Variants in ANKRD12 observed in about 807,000 individuals in gnomAD.
ANKRD12 encodes ankyrin repeat domain-containing protein 12.
In ANKRD12, 85 loss-of-function variants were observed where a neutral mutation model predicts 183.4. That is an observed-to-expected ratio of 0.46 (90% confidence interval 0.39 to 0.56). ANKRD12 has a LOEUF of 0.56. Ranked by LOEUF, ANKRD12 falls within the 20% of genes least tolerant of loss-of-function variation. ANKRD12 has a pLI of 0.00. For synonymous variants in ANKRD12, 914 were observed against 800.2 expected (o/e 1.14, Z -2.40); for missense variants, 2,405 against 2,357.1 (o/e 1.02, Z -0.42).
intron 8 of ANKRD12, among the ~76,000 whole-genome samples, chr18:9,237,584 G>T (rs1417691703): frequency 6.6e-6 from 1 of 152,108 alleles, no homozygotes; most frequent in Non-Finnish European, 1.5e-5. Flanking sequence ...TGCTGTGCCT[G>T]GAGTTGTAGG....
chr18:9,252,797 C>A (rs1249906457), intron 8 of ANKRD12, among the ~76,000 whole-genome samples: 1 of 152,114 alleles, frequency 6.6e-6, no homozygotes, highest in East Asian at 1.9e-4. Flanking sequence ...AACTCCGTTT[C>A]TACCAAAAAT....
intron 8 of ANKRD12, chr18:9,235,876 A>C: frequency 3.5e-6 from 1 of 284,372 alleles, no homozygotes; most frequent in Non-Finnish European, 7.3e-6. Context: ...TAGTTGATTT[A>C]TTCTTCTCTG....
chr18:9,144,859 TATTA>T (rs777269389), intron 1 of ANKRD12, among the ~76,000 whole-genome samples: 70 of 152,036 alleles, frequency 4.6e-4, no homozygotes, highest in Non-Finnish European at 6.2e-4. Context: ...TTGCATATCA[TATTA>T]ATTATGTATG....
intron 10 of ANKRD12, among the ~76,000 whole-genome samples, chr18:9,265,783 C>T (rs978010679): frequency 6.6e-6 from 1 of 152,100 alleles, no homozygotes; most frequent in Non-Finnish European, 1.5e-5. Context: ...ATGACTTTTA[C>T]GAGTTAAGAG....
At chr18:9,217,276 TAAAG>T (rs2036162751) in intron 7 of ANKRD12, among the ~76,000 whole-genome samples, 1 of 152,158 alleles carries the variant, frequency 6.6e-6, no homozygotes, top group African/African-American at 2.4e-5. Context: ...GAATTTGGAG[TAAAG>T]ATAGATACAA....
intron 1 of ANKRD12, among the ~76,000 whole-genome samples, chr18:9,152,735 G>A (rs1475168011): frequency 1.3e-5 from 2 of 151,790 alleles, no homozygotes; most frequent in Admixed American, 6.6e-5. Flanking sequence ...GATTTATTGA[G>A]ACCTATATTT....
chr18:9,217,408 T>A (rs566711132), intron 7 of ANKRD12, among the ~76,000 whole-genome samples: 1 of 152,134 alleles, frequency 6.6e-6, no homozygotes, highest in Non-Finnish European at 1.5e-5. Flanking sequence ...TATCTAAAAT[T>A]GATATTTCAA....
At chr18:9,219,918 T>TTG (rs2036325028) in intron 7 of ANKRD12, among the ~76,000 whole-genome samples, 1 of 152,214 alleles carries the variant, frequency 6.6e-6, no homozygotes, top group Non-Finnish European at 1.5e-5. Flanking sequence ...CTGGGTAGAT[T>TTG]ACTGGAATAT....
intron 7 of ANKRD12, among the ~76,000 whole-genome samples, chr18:9,218,015 GACTT>G (rs1359955131): frequency 6.6e-6 from 1 of 152,132 alleles, no homozygotes; most frequent in Non-Finnish European, 1.5e-5. Context: ...ATCGGAAACT[GACTT>G]ACTTTCTGGC....
At chr18:9,261,859 A>T (rs924087465) in intron 9 of ANKRD12, among the ~76,000 whole-genome samples, 5 of 152,154 alleles carry the variant, frequency 3.3e-5, no homozygotes, top group African/African-American at 1.2e-4. Flanking sequence ...TTTCTCTGGC[A>T]CCTCAGTGTC....
chr18:9,233,925 G>A (rs998787611), intron 8 of ANKRD12, among the ~76,000 whole-genome samples: 19 of 152,154 alleles, frequency 1.2e-4, no homozygotes, highest in Admixed American at 1.0e-3. Flanking sequence ...TGCCAGTAAC[G>A]GCACAGTGGG....
intron 1 of ANKRD12, among the ~76,000 whole-genome samples, chr18:9,174,983 C>G (rs1384056797): frequency 2.0e-5 from 3 of 152,150 alleles, no homozygotes; most frequent in African/African-American, 7.2e-5. Context: ...GAGACAGAGT[C>G]TTGCTTTGTT....
chr18:9,237,449 A>G (rs1352934549), intron 8 of ANKRD12, among the ~76,000 whole-genome samples: 2 of 152,182 alleles, frequency 1.3e-5, no homozygotes, highest in African/African-American at 4.8e-5. Context: ...TTGTGGGAGT[A>G]TCCTATGTTT....
chr18:9,256,124 GAA>G lies in ANKRD12; in HGVS notation c.2861_2862del (p.Lys954ArgfsTer6), dbSNP rs777993175. The G allele has an allele frequency of 1.3e-6, 2 of 1,554,220 alleles. No individual in the cohort carries two copies. Among genetic ancestry groups the G allele is most frequent in the South Asian group, 1.2e-5 (1 of 80,372 alleles). ...YSKSEKGKNK[E>X]KDRELDKKEK... ...TAAATCAGAAAAAGGCAAAAATAAA[GAA>G]AAAGACAGGGAGCTAGATAAAAAGG... On this transcript the variant is annotated frameshift_variant, in exon 9 of 13. Transcript: ENST00000262126. LOFTEE classifies it high-confidence loss of function.
At chr18:9,201,542 G>C (rs1336611866) in intron 3 of ANKRD12, among the ~76,000 whole-genome samples, 1 of 152,046 alleles carries the variant, frequency 6.6e-6, no homozygotes, top group Non-Finnish European at 1.5e-5. Context: ...GTGTTATAAG[G>C]GTTAAACATT....
At chr18:9,150,175 A>AG (rs2078639369) in intron 1 of ANKRD12, among the ~76,000 whole-genome samples, 1 of 152,200 alleles carries the variant, frequency 6.6e-6, no homozygotes, top group Non-Finnish European at 1.5e-5. Context: ...AGCAGCACCA[A>AG]TAAAAAATGA....
chr18:9,151,435 G>A (rs1419067462), intron 1 of ANKRD12, among the ~76,000 whole-genome samples: 2 of 152,156 alleles, frequency 1.3e-5, no homozygotes, highest in Admixed American at 6.5e-5. Context: ...ATTTTGGAAC[G>A]AGAGGATCTT....
intron 2 of ANKRD12, among the ~76,000 whole-genome samples, chr18:9,189,153 C>G (rs374142762): frequency 2.6e-5 from 4 of 152,250 alleles, no homozygotes; most frequent in African/African-American, 9.6e-5. Context: ...AGTCTTATTG[C>G]TGATATGGAG....
chr18:9,165,400 C>A (rs181107067), intron 1 of ANKRD12, among the ~76,000 whole-genome samples: 22 of 152,186 alleles, frequency 1.4e-4, no homozygotes, highest in Non-Finnish European at 2.6e-4. Flanking sequence ...GTGTACAGTT[C>A]AGTAGCATTA....
Sources: gnomAD v4.1 joint callset for allele counts (sites outside exome capture counted in the v4.1 genomes callset) on GRCh38, gnomAD v4.1.1 for gene constraint, MANE v1.5 for transcripts, NCBI Gene and HGNC (gene_info 2026-07-23, HGNC 2026-07-21) for gene names.